Variants in BRCA2 observed in about 807,000 individuals in gnomAD.
BRCA2 encodes the protein breast cancer type 2 susceptibility protein.
Under a neutral mutation model 276.7 loss-of-function variants are expected in BRCA2, and 203 were observed. The observed-to-expected ratio is 0.73, with a 90% CI of 0.65 to 0.82. The LOEUF is 0.82. BRCA2 is among the 40% of genes least tolerant of loss of function. The pLI, the probability that BRCA2 is intolerant of heterozygous loss-of-function variation, is 0.00. For synonymous variants in BRCA2, 1,289 were observed against 1,338.4 expected (o/e 0.96, Z 0.81); for missense variants, 3,920 against 3,915.0 (o/e 1.00, Z -0.03).
In BRCA2 at chr13:32,363,304, C is replaced by G. The variant is rs876660229; in HGVS notation, c.8102C>G (p.Ser2701Cys). 6.2e-7 allele frequency: 1 copy of G among 1,614,032 alleles called. No individual in the cohort carries two copies. The highest frequency in any genetic ancestry group is 1.3e-5 in the African/African-American group (1 of 74,910). The change falls in exon 18 of 27, where the codon TCT becomes TGT. Residue 2701 changes from serine to cysteine, a missense_variant. Ser to Cys is a moderately radical substitution (Grantham distance 112, BLOSUM62 -1). This residue lies in a region of BRCA2 where 3,263 missense variants were observed against 3,156.9 expected (regional missense o/e 1.03). Transcript: ENST00000380152. ...SDIISLSANI[S>C]ETSSNKTSSA... Reference sequence around the variant, plus strand: ...ATAATTTCATTGAGCGCAAATATATCTGAAACTTCTAGCAATAAAACTAGT... The same window carrying G: ...ATAATTTCATTGAGCGCAAATATATGTGAAACTTCTAGCAATAAAACTAGT...
At chr13:32,320,928 A>G (rs2072302270) in intron 3 of BRCA2, among the ~76,000 whole-genome samples, 1 of 152,192 alleles carries the variant, frequency 6.6e-6, no homozygotes, top group African/African-American at 2.4e-5. Context: ...TGAATCTCTT[A>G]ATTTATAATT....
intron 18 of BRCA2, among the ~76,000 whole-genome samples, chr13:32,364,045 G>A (rs2072764834): frequency 6.6e-6 from 1 of 152,140 alleles, no homozygotes; most frequent in African/African-American, 2.4e-5. Flanking sequence ...TACTTCTGTG[G>A]TATTCTGGAT....
At chr13:32,344,166 GAA>G (rs34225677) in intron 11 of BRCA2, among the ~76,000 whole-genome samples, 29,725 of 137,438 alleles carry the variant, frequency 0.22, 3,221 homozygotes, top group African/African-American at 0.27. Flanking sequence ...CCCCCGTGCT[GAA>G]AAAAAAAAAA....
chr13:32,344,507 T>C, intron 11 of BRCA2, 51 bp from the exon 12 acceptor site: 2 of 1,240,804 alleles, frequency 1.6e-6, no homozygotes, highest in Non-Finnish European at 2.3e-6. Context: ...TTTTGAGAAA[T>C]AAAACTGATA....
At position 32,340,904 on chromosome 13, in the gene BRCA2, A is replaced by G; in HGVS notation, c.6549A>G (p.Glu2183=). ...AGAACATTCATGTTTTGGGAAAAGA[A>G]CAGGCTTCACCTAAAAACGTAAAAA... ...LVENIHVLGK[E]QASPKNVKME... The change falls in exon 11 of 27, where the codon GAA becomes GAG. Residue 2183 remains glutamate, a synonymous_variant. Transcript: ENST00000380152. 1 of 1,609,256 alleles carries G rather than the reference A, an allele frequency of 6.2e-7. No homozygotes were observed. Among genetic ancestry groups the G allele is most frequent in the South Asian group, 1.1e-5 (1 of 89,342 alleles).
In BRCA2 at chr13:32,340,341, G is replaced by A. The variant is rs80358833; in HGVS notation, c.5986G>A (p.Ala1996Thr). The A allele has an allele frequency of 2.1e-4, 345 of 1,613,968 alleles. 3 individuals carry two copies. The South Asian group carries it at 3.2e-3, about 15-fold the overall frequency. ...VQVSDASLQNARQVFSEIEDS... is the reference protein window; with the variant it reads ...VQVSDASLQNTRQVFSEIEDS... Reference sequence around the variant, plus strand: ...GGTATCAGATGCTTCATTACAAAACGCAAGACAAGTGTTTTCTGAAATAGA... The same window carrying A: ...GGTATCAGATGCTTCATTACAAAACACAAGACAAGTGTTTTCTGAAATAGA... Residue 1996 changes from alanine (A) to threonine (T), a missense_variant, in exon 11 of 27, where the codon GCA becomes ACA. Around this residue, in one of 2 missense-constraint regions of BRCA2, gnomAD observed 3,263 missense variants for 3,156.9 expected, o/e 1.03. Coordinates refer to ENST00000380152, the MANE Select transcript of BRCA2 (RefSeq NM_000059.4).
chr13:32,342,007 C>T (rs949374539), intron 11 of BRCA2, among the ~76,000 whole-genome samples: 2 of 151,980 alleles, frequency 1.3e-5, no homozygotes, highest in Admixed American at 1.3e-4. Flanking sequence ...GCGTGGCGCT[C>T]ATGCCTGTAA....
intron 16 of BRCA2, among the ~76,000 whole-genome samples, chr13:32,358,567 A>G (rs2072717277): frequency 6.6e-6 from 1 of 151,738 alleles, no homozygotes; most frequent in African/African-American, 2.4e-5. Flanking sequence ...TGAGGTGGGC[A>G]GATCTCTTGA....
intron 3 of BRCA2, among the ~76,000 whole-genome samples, chr13:32,320,828 C>T (rs1001769974): frequency 2.0e-5 from 3 of 152,160 alleles, no homozygotes; most frequent in African/African-American, 4.8e-5. Context: ...AAACAGCAGT[C>T]TTTGGAGATA....
intron 14 of BRCA2, among the ~76,000 whole-genome samples, chr13:32,355,806 G>T (rs1336022089): frequency 6.6e-6 from 1 of 151,868 alleles, no homozygotes; most frequent in African/African-American, 2.4e-5. Context: ...TTTGAACCCG[G>T]GAGGCAGAGG....
intron 9 of BRCA2, 147 bp downstream of exon 9, chr13:32,331,177 T>C (rs2072389315): frequency 1.5e-6 from 1 of 654,832 alleles, no homozygotes; most frequent in East Asian, 2.8e-5. Context: ...TGCCTCAGCT[T>C]GCCAAGTAGC....
Position 32,363,187 on chromosome 13 carries a change from C to A in BRCA2, c.7985C>A (p.Thr2662Lys), listed in dbSNP as rs431825362. The stretch of plus-strand genomic sequence containing the variant: ...TTTGTTTTCACTTTTAGATATGATA[C>A]GGAAATTGATAGAAGCAGAAGATCG... The part of the protein sequence containing the change: ...VLLQLKYRYD[T>K]EIDRSRRSAI... Residue 2662 changes from threonine (T) to lysine (K), a missense_variant, in exon 18 of 27, where the codon ACG (threonine) becomes AAG (lysine). Physicochemically the swap from Thr to Lys is moderately conservative, Grantham distance 78. Transcript: ENST00000380152. 1.7e-5 allele frequency: 27 copies of A among 1,612,860 alleles called. No individual in the cohort carries two copies. Among genetic ancestry groups the A allele is most frequent in the Non-Finnish European group, 2.3e-5 (27 of 1,179,544 alleles).
chr13:32,376,546 T>G (rs914117506), intron 20 of BRCA2, 124 bp from the exon 21 acceptor site: 1 of 1,110,122 alleles, frequency 9.0e-7, no homozygotes, highest in African/African-American at 1.6e-5. Context: ...GAAAAAACTT[T>G]TAGCAGTTAT....
rs876659600 is a variant in BRCA2, at chr13:32,337,074, A to G, written c.2719A>G (p.Lys907Glu). 1.2e-6 allele frequency: 2 copies of G among 1,610,454 alleles called. No individual in the cohort carries two copies. Among genetic ancestry groups the G allele is most frequent in the Non-Finnish European group, 1.7e-6 (2 of 1,179,142 alleles). Residue 907 changes from lysine (K) to glutamate (E), a missense_variant, in exon 11 of 27, where the codon AAG (lysine) becomes GAG (glutamate). Lys to Glu is a moderately conservative substitution (Grantham distance 56). Coordinates refer to ENST00000380152, the MANE Select transcript of BRCA2 (RefSeq NM_000059.4). Reference protein sequence around the residue: ...ERNNLALGNTKELHETDLTCV... With the variant: ...ERNNLALGNTEELHETDLTCV... Reference sequence around the variant, plus strand: ...GAATAATCTTGCTTTAGGAAATACTAAGGAACTTCATGAAACAGACTTGAC... The same window carrying G: ...GAATAATCTTGCTTTAGGAAATACTGAGGAACTTCATGAAACAGACTTGAC...
chr13:32,391,419 T>C (rs939042498), intron 24 of BRCA2, among the ~76,000 whole-genome samples: 8 of 152,292 alleles, frequency 5.3e-5, no homozygotes, highest in Admixed American at 3.9e-4. Flanking sequence ...GCATACTGGC[T>C]CCTCCAGGGA....
chr13:32,383,560 G>C (rs1345481482), intron 24 of BRCA2, among the ~76,000 whole-genome samples: 1 of 152,180 alleles, frequency 6.6e-6, no homozygotes, highest in Non-Finnish European at 1.5e-5. Flanking sequence ...GCATGAAGTA[G>C]TTGGAAAGTA....
rs81002818 is a variant in BRCA2, at chr13:32,376,654, C to G, written c.8633-16C>G. 9.6e-5 allele frequency: 155 copies of G among 1,612,954 alleles called. No homozygotes were observed. The highest frequency in any genetic ancestry group is 1.2e-4 in the Non-Finnish European group (144 of 1,179,272). ...ATTTACAGTTTAGTGAATTAATAAT[C>G]CTTTTGTTTTCTTAGAAAACACAAC... On this transcript the variant is annotated splice_polypyrimidine_tract_variant and intron_variant, in intron 20 of 26. Transcript: ENST00000380152.
At position 32,354,854 on chromosome 13, in the gene BRCA2, A is replaced by G. The variant is rs1268958567; in HGVS notation, c.7008-7A>G. The G allele has an allele frequency of 6.5e-7, 1 of 1,534,110 alleles. No homozygotes were observed. The highest frequency in any genetic ancestry group is 9.0e-7 in the Non-Finnish European group (1 of 1,107,384). Reference sequence around the variant, plus strand: ...CAATAAACTTATATATTTTCTCCCCATTGCAGCACAACTAAGGAACGTCAA... The same window carrying G: ...CAATAAACTTATATATTTTCTCCCCGTTGCAGCACAACTAAGGAACGTCAA... On this transcript the variant is annotated splice_region_variant and splice_polypyrimidine_tract_variant and intron_variant, in intron 13 of 26. Transcript: ENST00000380152.
At chr13:32,395,851 A>C (rs988833184) in intron 25 of BRCA2, 2 of 165,296 alleles carry the variant, frequency 1.2e-5, no homozygotes, top group Admixed American at 1.2e-4. Flanking sequence ...AATGAATAAC[A>C]CTCTGCTATA....
Sources: gnomAD v4.1 joint callset for allele counts (sites outside exome capture counted in the v4.1 genomes callset) on GRCh38, gnomAD v4.1.1 for gene constraint, gnomAD v4.1.1 regional missense constraint, MANE v1.5 for transcripts, NCBI Gene and HGNC (gene_info 2026-07-23, HGNC 2026-07-21) for gene names.